The following RBPJ variants were observed in gnomAD, a reference collection of about 807,000 sequenced individuals.
RBPJ encodes recombination signal binding protein for immunoglobulin kappa J region.
In RBPJ, 9 loss-of-function variants were observed where a neutral mutation model predicts 67.8. The observed-to-expected ratio is 0.13, with a 90% confidence interval of 0.08 to 0.23. RBPJ has a LOEUF of 0.23. Ranked by LOEUF, RBPJ falls within the 10% of genes least tolerant of loss-of-function variation. The probability of loss-of-function intolerance (pLI) is 1.00; values close to 1 mark genes in which losing one functional copy is unlikely to be tolerated. For synonymous variants in RBPJ, 198 were observed against 203.3 expected (o/e 0.97, Z 0.22); for missense variants, 305 against 595.6 (o/e 0.51, Z 5.08).
At chr4:26,234,346 A>C (rs1289374128) in intron 1 of RBPJ, among the ~76,000 whole-genome samples, 1 of 152,234 alleles carries the variant, frequency 6.6e-6, no homozygotes, top group Non-Finnish European at 1.5e-5. Flanking sequence ...CAGTCCTATT[A>C]GACCCAAAGG....
intron 2 of RBPJ, among the ~76,000 whole-genome samples, chr4:26,393,708 C>T (rs755203460): frequency 1.3e-4 from 20 of 151,772 alleles, no homozygotes; most frequent in Non-Finnish European, 2.8e-4. Context: ...TTTTTTTCCT[C>T]CATTTCTCCT....
At chr4:26,202,881 C>A (rs1370825851) in intron 1 of RBPJ, among the ~76,000 whole-genome samples, 2 of 147,700 alleles carry the variant, frequency 1.4e-5, no homozygotes, top group African/African-American at 5.0e-5. Context: ...CGTACCACTG[C>A]ACTCCAGCCT....
At chr4:26,260,980 A>G (rs1287379950) in intron 1 of RBPJ, among the ~76,000 whole-genome samples, 2 of 152,202 alleles carry the variant, frequency 1.3e-5, no homozygotes, top group Non-Finnish European at 2.9e-5. Context: ...AGGGCAAAGA[A>G]CATGACCAAT....
At chr4:26,169,347 A>G (rs1404428382) in intron 1 of RBPJ, among the ~76,000 whole-genome samples, 3 of 152,294 alleles carry the variant, frequency 2.0e-5, no homozygotes, top group East Asian at 3.9e-4. Context: ...TCCAGACCCT[A>G]TTTGCCTGGG....
At chr4:26,244,260 T>C (rs1204985433) in intron 1 of RBPJ, among the ~76,000 whole-genome samples, 1 of 134,318 alleles carries the variant, frequency 7.4e-6, no homozygotes, top group Non-Finnish European at 1.6e-5. Flanking sequence ...CACATACACA[T>C]ATGTGTACAC....
At chr4:26,232,750 G>A (rs571162823) in intron 1 of RBPJ, among the ~76,000 whole-genome samples, 18 of 152,212 alleles carry the variant, frequency 1.2e-4, no homozygotes, top group Non-Finnish European at 2.5e-4. Context: ...TGTGGTCCCT[G>A]CAGCCAGTTC....
chr4:26,347,196 A>C (rs967670021), intron 1 of RBPJ, among the ~76,000 whole-genome samples: 1 of 152,078 alleles, frequency 6.6e-6, no homozygotes. Context: ...TGAGAAAGCT[A>C]GATGAAGATA....
chr4:26,138,459 G>A, the RBPJ span, among the ~76,000 whole-genome samples: 1 of 152,186 alleles, frequency 6.6e-6, no homozygotes, highest in Non-Finnish European at 1.5e-5. Context: ...AGCTGCTCTG[G>A]AAAGAGGCTC....
chr4:26,115,284 C>T, the RBPJ span, among the ~76,000 whole-genome samples: 1 of 152,332 alleles, frequency 6.6e-6, no homozygotes, highest in South Asian at 2.1e-4. Context: ...TGAACTGCCT[C>T]TCCAATAAAG....
chr4:26,289,384 CAAAAAAAAAAAAAA>C (rs60159669), intron 1 of RBPJ, among the ~76,000 whole-genome samples: 1 of 78,338 alleles, frequency 1.3e-5, no homozygotes, highest in African/African-American at 4.9e-5. Context: ...GACTTGGTCT[CAAAAAAAAAAAAAA>C]AAAAAAAAAG....
chr4:26,234,643 G>C (rs1450752083), intron 1 of RBPJ, among the ~76,000 whole-genome samples: 1 of 151,934 alleles, frequency 6.6e-6, no homozygotes, highest in Non-Finnish European at 1.5e-5. Context: ...TTATCACCTT[G>C]TAGTTAATTA....
chr4:26,406,833 T>C (rs1733469172), intron 3 of RBPJ, among the ~76,000 whole-genome samples: 1 of 152,250 alleles, frequency 6.6e-6, no homozygotes, highest in Non-Finnish European at 1.5e-5. Flanking sequence ...TGCCTGGGCC[T>C]GCCCAGACAT....
the RBPJ span, chr4:26,113,354 G>T: frequency 3.7e-6 from 2 of 545,834 alleles, no homozygotes; most frequent in East Asian, 7.8e-5. Context: ...AACCTTGTGG[G>T]AGAAGTCAAA....
the RBPJ span, among the ~76,000 whole-genome samples, chr4:26,133,408 A>C: frequency 6.6e-6 from 1 of 152,188 alleles, no homozygotes; most frequent in Non-Finnish European, 1.5e-5. Context: ...CCTCATCTCT[A>C]CTAAAAAACA....
the RBPJ span, among the ~76,000 whole-genome samples, chr4:26,137,884 G>A: frequency 4.6e-5 from 7 of 152,170 alleles, no homozygotes; most frequent in Non-Finnish European, 7.3e-5. Context: ...CTTCAGGGAC[G>A]GGCCCCAGTT....
intron 3 of RBPJ, among the ~76,000 whole-genome samples, chr4:26,408,656 C>T (rs1733719974): frequency 6.6e-6 from 1 of 152,112 alleles, no homozygotes; most frequent in Non-Finnish European, 1.5e-5. Flanking sequence ...TTGTAATCCT[C>T]GTAACAATTT....
chr4:26,177,751 T>C (rs955644901), intron 1 of RBPJ, among the ~76,000 whole-genome samples: 2 of 152,218 alleles, frequency 1.3e-5, no homozygotes, highest in African/African-American at 4.8e-5. Flanking sequence ...AATATATACT[T>C]ATCTTAGAAA....
At chr4:26,163,750 C>G (rs978342164) in intron 1 of RBPJ, 5 of 152,348 alleles carry the variant, frequency 3.3e-5, no homozygotes, top group Non-Finnish European at 5.9e-5. Flanking sequence ...TAACCAACTC[C>G]TTTACCATTG....
At chr4:26,320,341 G>A (rs373890987), upstream of RBPJ, among the ~76,000 whole-genome samples, 2 of 152,192 alleles carry the variant, frequency 1.3e-5, no homozygotes, top group East Asian at 3.9e-4. Context: ...GAGCTCAACT[G>A]CAAAAGTTTT....
Sources: allele counts gnomAD v4.1 joint callset (sites outside exome capture counted in the v4.1 genomes callset), GRCh38; gene constraint gnomAD v4.1.1; transcripts MANE v1.5; gene names NCBI Gene and HGNC (gene_info 2026-07-23, HGNC 2026-07-21).